ADAM7: variants seen among roughly 807,000 people sequenced by gnomAD.
The protein encoded by ADAM7 is ADAM metallopeptidase domain 7.
A neutral mutation model predicts 102.9 loss-of-function variants in ADAM7; 97 were observed. That is an observed-to-expected ratio of 0.94 (90% CI 0.80 to 1.12). The LOEUF (loss-of-function observed/expected upper bound fraction) is 1.12, where lower values mean the gene tolerates loss of function less well. ADAM7 is among the 50% of genes most tolerant of loss of function. The pLI, the probability that ADAM7 is intolerant of heterozygous loss-of-function variation, is 0.00. For missense variants in ADAM7, 991 were observed against 908.7 expected, an observed-to-expected ratio of 1.09 and a Z score of -1.16; for synonymous variants, 334 against 304.4, an observed-to-expected ratio of 1.10 and a Z score of -1.01.
rs143083584 is a variant in ADAM7 at position 24,501,552 on chromosome 8, C to G, written c.2184C>G (p.Ile728Met). 9 of 1,601,428 alleles carry G rather than the reference C, an allele frequency of 5.6e-6. No homozygotes were observed. Among genetic ancestry groups the G allele is most frequent in the African/African-American group, 1.4e-5 (1 of 73,974 alleles). Reference sequence around the variant, plus strand: ...AGCAGCAGATAAGGACTGAGCCAATCCTGCCAGAAATTCATTTCCTAAATG... The same window carrying G: ...AGCAGCAGATAAGGACTGAGCCAATGCTGCCAGAAATTCATTTCCTAAATG... ...GDEQQIRTEP[I>M]LPEIHFLNKP... Residue 728 changes from isoleucine (I) to methionine (M), a missense_variant, in exon 20 of 22, where the codon ATC (isoleucine) becomes ATG (methionine). Coordinates refer to ENST00000175238, the MANE Select transcript of ADAM7 (RefSeq NM_003817.4).
intron 5 of ADAM7, among the ~76,000 whole-genome samples, chr8:24,466,537 G>A (rs1249137864): frequency 6.6e-6 from 1 of 152,160 alleles, no homozygotes. Flanking sequence ...ACAACCACCA[G>A]TGGGACTTGC....
At position 24,493,182 on chromosome 8, in the gene ADAM7, A is replaced by G; in HGVS notation, c.1795A>G (p.Thr599Ala). The change falls in exon 16 of 22, where the codon ACA becomes GCA. Residue 599 changes from threonine (T) to alanine (A), a missense_variant. By Grantham distance (58) the Thr-to-Ala change is moderately conservative (BLOSUM62 0). Transcript: ENST00000175238. ...AACTATTTTTTTATACCATGATTCTACAGACATTGGCCTGGTGGCGTCAGG... is the reference window on the plus strand; with the variant it reads ...AACTATTTTTTTATACCATGATTCTGCAGACATTGGCCTGGTGGCGTCAGG... ...CKTIFLYHDS[T>A]DIGLVASGTK... The G allele has an allele frequency of 6.2e-7, 1 of 1,612,974 alleles. No homozygotes were observed. The highest frequency in any genetic ancestry group is 8.5e-7 in the Non-Finnish European group (1 of 1,179,502).
In ADAM7 at chr8:24,491,943, A is replaced by C. The variant is rs751860698; in HGVS notation, c.1397A>C (p.Glu466Ala). 25 of 1,613,306 alleles carry C rather than the reference A, an allele frequency of 1.5e-5. No homozygotes were observed. The highest frequency in any genetic ancestry group is 1.8e-5 in the Non-Finnish European group (21 of 1,179,712). The change falls in exon 14 of 22, where the codon GAA becomes GCA. Residue 466 changes from glutamate (E) to alanine (A), a missense_variant. Coordinates refer to ENST00000175238, the MANE Select transcript of ADAM7 (RefSeq NM_003817.4). ...AGSICRPAKD[E>A]CDFPEMCTGH... Reference sequence around the variant, plus strand: ...TCCATATGCAGACCGGCGAAAGATGAATGTGATTTTCCTGAGATGTGCACT... The same window carrying C: ...TCCATATGCAGACCGGCGAAAGATGCATGTGATTTTCCTGAGATGTGCACT...
At chr8:24,477,174 T>C (rs1284590100) in intron 8 of ADAM7, among the ~76,000 whole-genome samples, 1 of 152,234 alleles carries the variant, frequency 6.6e-6, no homozygotes, top group Non-Finnish European at 1.5e-5. Context: ...TATATAGTTG[T>C]ATGTGCAATT....
chr8:24,463,879 C>T lies in ADAM7; in HGVS notation c.234-3C>T. The stretch of plus-strand genomic sequence containing the variant: ...CTCACCACCTGTCTGCCCTCTTTTT[C>T]AGGGAGTTCCTAGGCTCAAATTACA... On this transcript the variant is annotated splice_polypyrimidine_tract_variant and splice_region_variant and intron_variant, in intron 3 of 21. Coordinates refer to ENST00000175238, the MANE Select transcript of ADAM7 (RefSeq NM_003817.4). 6.2e-7 allele frequency: 1 copy of T among 1,612,396 alleles called. No homozygotes were observed. The highest frequency in any genetic ancestry group is 8.5e-7 in the Non-Finnish European group (1 of 1,178,894).
At chr8:24,486,175 C>T (rs1820138263) in intron 10 of ADAM7, among the ~76,000 whole-genome samples, 1 of 152,156 alleles carries the variant, frequency 6.6e-6, no homozygotes, top group South Asian at 2.1e-4. Context: ...CTCCAGGACA[C>T]ATTTTAAACT....
intron 9 of ADAM7, 28 bp from the exon 10 acceptor site, chr8:24,485,249 G>T (rs371098153): frequency 6.3e-7 from 1 of 1,595,910 alleles, no homozygotes; most frequent in Non-Finnish European, 8.6e-7. Context: ...AACTCAGATT[G>T]AAGACTATTT....
intron 2 of ADAM7, among the ~76,000 whole-genome samples, chr8:24,443,876 G>C (rs991201519): frequency 5.5e-4 from 84 of 152,002 alleles, no homozygotes; most frequent in African/African-American, 2.0e-3. Context: ...AGAGGTTGCA[G>C]TGAGCCAAGA....
rs541325646 is a variant in ADAM7, at chr8:24,464,839, C to T, written c.313-860C>T. On this transcript the variant is annotated intron_variant, in intron 4 of 21. Coordinates refer to ENST00000175238, the MANE Select transcript of ADAM7 (RefSeq NM_003817.4). ...TGGTCTCGATCTCTCCAGGCTGGAG[C>T]GCAGCGGCACAATCTCAGCTCACTG... is the stretch of plus-strand genomic sequence containing the variant. 3.8e-4 allele frequency among the ~76,000 whole-genome samples: 42 copies of T among 111,980 alleles called. 6 individuals are homozygous for T. Among genetic ancestry groups the T allele is most frequent in the African/African-American group, 1.2e-3 (37 of 30,872 alleles). The allele number at this position is 111,980 out of a possible 152,430, so 73.5% of individuals were successfully genotyped here.
Position 24,498,521 on chromosome 8 carries a change from T to C in ADAM7, c.1843-715T>C, listed in dbSNP as rs1024440978. Among the ~76,000 whole-genome samples the C allele has an allele frequency of 4.0e-5, 6 of 150,572 alleles. No individual in the cohort carries two copies. The East Asian group carries it at 1.2e-3, about 29-fold the overall frequency. Reference sequence around the variant, plus strand: ...AAGCCACAATGTCTAATGTTGGAAATCAGGTAAATAAAATGAAAGGACTAA... The same window carrying C: ...AAGCCACAATGTCTAATGTTGGAAACCAGGTAAATAAAATGAAAGGACTAA... On this transcript the variant is annotated intron_variant, in intron 16 of 21. Transcript: ENST00000175238.
At chr8:24,454,948 T>A (rs749257439) in intron 3 of ADAM7, among the ~76,000 whole-genome samples, 16 of 152,180 alleles carry the variant, frequency 1.1e-4, no homozygotes, top group Non-Finnish European at 2.2e-4. Context: ...AATTTTCTGT[T>A]CGCTATAATA....
chr8:24,485,167 C>T (rs1005795887), intron 9 of ADAM7, 110 bp from the exon 10 acceptor site: 5 of 945,032 alleles, frequency 5.3e-6, no homozygotes, highest in Non-Finnish European at 8.3e-6. Context: ...AATAAGAAGG[C>T]ATTTTCACAT....
chr8:24,460,545 A>G (rs1016436140), intron 3 of ADAM7, among the ~76,000 whole-genome samples: 12 of 151,984 alleles, frequency 7.9e-5, no homozygotes, highest in African/African-American at 2.9e-4. Context: ...CTTTGTAACA[A>G]TGACTCTCTA....
At chr8:24,476,623 A>T (rs1819777337) in intron 8 of ADAM7, 119 bp downstream of exon 8, 1 of 623,846 alleles carries the variant, frequency 1.6e-6, no homozygotes, top group South Asian at 4.3e-5. Flanking sequence ...AAGCACAAAG[A>T]CTAATAAGCA....
chr8:24,507,150 C>T (rs549205241), intron 20 of ADAM7, among the ~76,000 whole-genome samples: 7 of 151,910 alleles, frequency 4.6e-5, no homozygotes, highest in Admixed American at 6.6e-5. Context: ...GAGATGTTAT[C>T]GGAATGAAAG....
intron 2 of ADAM7, among the ~76,000 whole-genome samples, chr8:24,443,704 G>C (rs748686693): frequency 6.6e-6 from 1 of 152,112 alleles, no homozygotes; most frequent in Non-Finnish European, 1.5e-5. Context: ...TTGGGAGGCC[G>C]AGGAGGGCAG....
chr8:24,442,040 G>T (rs899517394), intron 1 of ADAM7, among the ~76,000 whole-genome samples: 2 of 152,158 alleles, frequency 1.3e-5, no homozygotes, highest in Admixed American at 1.3e-4. Context: ...CAGGCATGGT[G>T]GTGTGCACTT....
rs1820729670 is a variant in ADAM7, at chr8:24,500,725, A to T, written c.2003-65A>T. The T allele has an allele frequency of 1.2e-5, 15 of 1,303,166 alleles. No homozygotes were observed. The South Asian group carries it at 1.7e-4, about 15-fold the overall frequency. The allele number at this position is 1,303,166 out of a possible 1,614,324, so 80.7% of individuals were successfully genotyped here. A position where few individuals can be genotyped will look rare whatever the true frequency, so the allele number is the denominator to read the frequency against. On this transcript the variant is annotated intron_variant, in intron 18 of 21. Transcript: ENST00000175238. ...AGGAGCATTGTAACAGCTCCATTAA[A>T]TGTTAATATTCCACTGTTTTACAAC...
At chr8:24,476,996 C>T (rs773658140) in intron 8 of ADAM7, among the ~76,000 whole-genome samples, 3 of 151,726 alleles carry the variant, frequency 2.0e-5, no homozygotes, top group South Asian at 2.1e-4. Context: ...TTTTTTTTGC[C>T]GACTCATTCT....
Sources: gnomAD v4.1 joint callset for allele counts (sites outside exome capture counted in the v4.1 genomes callset) on GRCh38, gnomAD v4.1.1 for gene constraint, MANE v1.5 for transcripts, NCBI Gene and HGNC (gene_info 2026-07-23, HGNC 2026-07-21) for gene names.